The following ZNF189 variants were observed in gnomAD, a reference collection of about 807,000 sequenced individuals.
The protein encoded by ZNF189 is zinc finger protein 189.
A neutral mutation model predicts 53.5 loss-of-function variants in ZNF189; 33 were observed. The observed-to-expected ratio is 0.62, with a 90% CI of 0.47 to 0.82. The LOEUF is 0.82. ZNF189 is among the 40% of genes least tolerant of loss of function. The probability of loss-of-function intolerance (pLI) is 0.00; values close to 1 mark genes in which losing one functional copy is unlikely to be tolerated. For missense variants in ZNF189, 711 were observed against 753.9 expected, an observed-to-expected ratio of 0.94 and a Z score of 0.67; for synonymous variants, 247 against 238.8, an observed-to-expected ratio of 1.03 and a Z score of -0.32.
chr9:101,403,699 A>G (rs1270869278), intron 2 of ZNF189, among the ~76,000 whole-genome samples: 1 of 152,190 alleles, frequency 6.6e-6, no homozygotes, highest in Admixed American at 6.5e-5. Flanking sequence ...GGGGAGAGAG[A>G]TAGAGCAAAC....
Position 101,408,028 on chromosome 9 carries a change from T to A in ZNF189, c.260T>A (p.Ile87Asn). The A allele has an allele frequency of 6.2e-7, 1 of 1,613,772 alleles. No homozygotes were observed. Among genetic ancestry groups the A allele is most frequent in the Non-Finnish European group, 8.5e-7 (1 of 1,179,912 alleles). ...CCACAGGGTGTAATAGTTACAAGAA[T>A]CAAAAGTGAAATTGACCAGGATCCT... ...VEPQGVIVTR[I>N]KSEIDQDPMG... The change falls in exon 3 of 3, where the codon ATC becomes AAC. Residue 87 changes from isoleucine to asparagine, a missense_variant. By Grantham distance (149) the Ile-to-Asn change is moderately radical. Coordinates refer to ENST00000339664, the MANE Select transcript of ZNF189 (RefSeq NM_003452.4).
In ZNF189 at chr9:101,408,498, A is replaced by C; in HGVS notation, c.730A>C (p.Arg244=). ...TCAGTGTAAACAGAGCTTCAGCCAG[A>C]GAAGGAGCCTTGTTAAACATCAAAG... ...CNQCKQSFSQ[R]RSLVKHQRIH... Residue 244 remains arginine, a synonymous_variant, in exon 3 of 3, where the codon AGA becomes CGA. Transcript: ENST00000339664. 6.2e-7 allele frequency: 1 copy of C among 1,614,186 alleles called. No individual in the cohort carries two copies. The highest frequency in any genetic ancestry group is 1.7e-5 in the Admixed American group (1 of 60,028).
chr9:101,407,367 T>C, intron 2 of ZNF189: 1 of 397,906 alleles, frequency 2.5e-6, no homozygotes, highest in Non-Finnish European at 4.4e-6. Flanking sequence ...CTTTTATCCT[T>C]CTTAGCATCT....
Position 101,407,955 on chromosome 9 carries a change from G to C in ZNF189, c.187G>C (p.Glu63Gln). The C allele has an allele frequency of 6.3e-7, 1 of 1,588,394 alleles. No individual in the cohort carries two copies. The highest frequency in any genetic ancestry group is 8.5e-7 in the Non-Finnish European group (1 of 1,169,882). Reference protein sequence around the residue: ...LDVLNRDKDEEPTVKQEIEEI... With the variant: ...LDVLNRDKDEQPTVKQEIEEI... ...TGTTTTGAACAGAGATAAGGATGAGGAGCCAACTGTAAAACAAGAGATTGA... is the reference window on the plus strand; with the variant it reads ...TGTTTTGAACAGAGATAAGGATGAGCAGCCAACTGTAAAACAAGAGATTGA... Residue 63 changes from glutamate to glutamine, a missense_variant, in exon 3 of 3, where the codon GAG (glutamate) becomes CAG (glutamine). Glu to Gln is a conservative substitution (Grantham distance 29, BLOSUM62 2). Coordinates refer to ENST00000339664, the MANE Select transcript of ZNF189 (RefSeq NM_003452.4).
intron 2 of ZNF189, among the ~76,000 whole-genome samples, chr9:101,400,844 C>T (rs549460251): frequency 2.0e-5 from 3 of 152,306 alleles, no homozygotes; most frequent in Admixed American, 6.5e-5. Context: ...TGTGACTAGA[C>T]GAGGGTAACC....
rs1452555415 is a variant in ZNF189, at chr9:101,409,504, A to T, written c.1736A>T (p.Gln579Leu). 6.2e-7 allele frequency: 1 copy of T among 1,614,130 alleles called. No individual in the cohort carries two copies. Among genetic ancestry groups the T allele is most frequent in the East Asian group, 2.2e-5 (1 of 44,884 alleles). Reference protein sequence around the residue: ...KCEKCDKSFSQQRSLVNHQKI... With the variant: ...KCEKCDKSFSLQRSLVNHQKI... ...GAGAAGTGCGACAAAAGTTTCAGTC[A>T]ACAGCGCAGTCTTGTCAACCATCAG... Residue 579 changes from glutamine to leucine, a missense_variant, in exon 3 of 3, where the codon CAA (glutamine) becomes CTA (leucine). Gln to Leu is a moderately radical substitution (Grantham distance 113). Transcript: ENST00000339664.
At chr9:101,404,766 C>T (rs1279122194) in intron 2 of ZNF189, among the ~76,000 whole-genome samples, 3 of 152,168 alleles carry the variant, frequency 2.0e-5, no homozygotes, top group Non-Finnish European at 2.9e-5. Flanking sequence ...ATCCAACTAA[C>T]ATAACTGAAC....
intron 2 of ZNF189, among the ~76,000 whole-genome samples, chr9:101,401,107 C>A (rs1007307679): frequency 3.9e-5 from 6 of 152,226 alleles, no homozygotes; most frequent in African/African-American, 1.4e-4. Context: ...ATTCACCTTT[C>A]TCTCTTTCCT....
At chr9:101,400,104 G>A in intron 2 of ZNF189, 94 bp downstream of exon 2, 2 of 1,479,270 alleles carry the variant, frequency 1.4e-6, no homozygotes, top group Non-Finnish European at 1.8e-6. Context: ...TACCAAAACT[G>A]CTTTGTTCCA....
rs1037116314 is a variant in ZNF189 at position 101,410,584 on chromosome 9, T to G, written c.*935T>G. On this transcript the variant is annotated 3_prime_UTR_variant, in exon 3 of 3. Coordinates refer to ENST00000339664, the MANE Select transcript of ZNF189 (RefSeq NM_003452.4). ...AATCCTTATTTCTTGTTCTAGGGCTTCCCTTAGTTAATGGTTATTATAAAC... is the reference window on the plus strand; with the variant it reads ...AATCCTTATTTCTTGTTCTAGGGCTGCCCTTAGTTAATGGTTATTATAAAC... 5.9e-5 allele frequency: 9 copies of G among 152,346 alleles called. No individual in the cohort carries two copies. Among genetic ancestry groups the G allele is most frequent in the Middle Eastern group, 6.8e-3 (2 of 294 alleles). The allele number at this position is 152,346 out of a possible 1,614,324, so 9.4% of individuals were successfully genotyped here.
chr9:101,409,484 G>C lies in ZNF189; in HGVS notation c.1716G>C (p.Lys572Asn). ...GAGAGAAACCTTATAAGTGTGAGAAGTGCGACAAAAGTTTCAGTCAACAGC... is the reference window on the plus strand; with the variant it reads ...GAGAGAAACCTTATAAGTGTGAGAACTGCGACAAAAGTTTCAGTCAACAGC... ...HTGEKPYKCEKCDKSFSQQRS... is the reference protein window; with the variant it reads ...HTGEKPYKCENCDKSFSQQRS... The change falls in exon 3 of 3, where the codon AAG becomes AAC. Residue 572 changes from lysine (K) to asparagine (N), a missense_variant. By Grantham distance (94) the Lys-to-Asn change is moderately conservative (BLOSUM62 0). Transcript: ENST00000339664. The C allele has an allele frequency of 6.2e-7, 1 of 1,614,124 alleles. No homozygotes were observed. Among genetic ancestry groups the C allele is most frequent in the Non-Finnish European group, 8.5e-7 (1 of 1,180,018 alleles).
chr9:101,409,333 G>T lies in ZNF189; in HGVS notation c.1565G>T (p.Ser522Ile). Reference protein sequence around the residue: ...YLCRQCGKSFSQLCNLIRHQG... With the variant: ...YLCRQCGKSFIQLCNLIRHQG... ...TGCAGACAGTGTGGAAAAAGCTTTA[G>T]TCAGCTTTGTAATCTTATTCGACAT... is the stretch of plus-strand genomic sequence containing the variant. The change falls in exon 3 of 3, where the codon AGT (serine) becomes ATT (isoleucine). Residue 522 changes from serine to isoleucine, a missense_variant. Physicochemically the swap from Ser to Ile is moderately radical, Grantham distance 142. Transcript: ENST00000339664. 6.2e-7 allele frequency: 1 copy of T among 1,614,142 alleles called. No individual in the cohort carries two copies. The highest frequency in any genetic ancestry group is 8.5e-7 in the Non-Finnish European group (1 of 1,180,024).
chr9:101,406,370 C>A (rs2734469), intron 2 of ZNF189, among the ~76,000 whole-genome samples: 12,027 of 152,038 alleles, frequency 0.079, 539 homozygotes, highest in Middle Eastern at 0.16. Flanking sequence ...TAAGCAAATG[C>A]CCAGAGGTGA....
chr9:101,400,392 A>G (rs1405576713), intron 2 of ZNF189, among the ~76,000 whole-genome samples: 2 of 152,122 alleles, frequency 1.3e-5, no homozygotes, highest in African/African-American at 2.4e-5. Context: ...TTTCTCTGGC[A>G]GTTTTTCAAG....
chr9:101,401,926 T>TA lies in ZNF189; in HGVS notation c.160+1916_160+1917insA, dbSNP rs1479144886. On this transcript the variant is annotated intron_variant, in intron 2 of 2. Coordinates refer to ENST00000339664, the MANE Select transcript of ZNF189 (RefSeq NM_003452.4). ...GCTCTGTGAAAATAAGTCCCATTTT[T>TA]TTTTTCAAGTCATAGCCTCATTCTG... 1.4e-4 allele frequency among the ~76,000 whole-genome samples: 21 copies of TA among 151,950 alleles called. 1 individual carries two copies. The highest frequency in any genetic ancestry group is 2.5e-4 in the Non-Finnish European group (17 of 67,972).
intron 2 of ZNF189, among the ~76,000 whole-genome samples, chr9:101,407,189 A>G (rs992139479): frequency 1.3e-5 from 2 of 151,946 alleles, no homozygotes; most frequent in African/African-American, 4.8e-5. Context: ...TTTCTTTATC[A>G]TATTATTTTC....
At position 101,409,292 on chromosome 9, in the gene ZNF189, T is replaced by TA. The variant is rs753751679; in HGVS notation, c.1524_1525insA (p.Glu509ArgfsTer14). ...TTGAACATCAGAGAATCCACACTGG[T>TA]GAGAGACCCTATCTGTGCAGACAGT... On this transcript the variant is annotated frameshift_variant, in exon 3 of 3. Coordinates refer to ENST00000339664, the MANE Select transcript of ZNF189 (RefSeq NM_003452.4). LOFTEE classifies it high-confidence loss of function. 1 of 1,614,134 alleles carries TA rather than the reference T, an allele frequency of 6.2e-7. No homozygotes were observed.
At chr9:101,400,518 C>A (rs919424874) in intron 2 of ZNF189, among the ~76,000 whole-genome samples, 11 of 152,208 alleles carry the variant, frequency 7.2e-5, no homozygotes, top group African/African-American at 2.7e-4. Flanking sequence ...CATTAGTTTT[C>A]CACCTTCAAA....
At chr9:101,407,269 G>C in intron 2 of ZNF189, 1 of 395,778 alleles carries the variant, frequency 2.5e-6, no homozygotes, top group East Asian at 3.6e-5. Flanking sequence ...CTGAATCCTG[G>C]CTGATTACAA....
Sources: gnomAD v4.1 joint callset for allele counts (sites outside exome capture counted in the v4.1 genomes callset) on GRCh38, gnomAD v4.1.1 for gene constraint, MANE v1.5 for transcripts, NCBI Gene and HGNC (gene_info 2026-07-23, HGNC 2026-07-21) for gene names.